The following PLAGL1 variants were observed in gnomAD, a reference collection of about 807,000 sequenced individuals.
The protein encoded by PLAGL1 is PLAG1 like zinc finger 1, also known as zinc finger protein PLAGL1.
Under a neutral mutation model 4.6 loss-of-function variants are expected in PLAGL1, and 1 was observed. The observed-to-expected ratio is 0.22, with a 90% CI of 0.08 to 1.03. PLAGL1 has a LOEUF of 1.03. PLAGL1 is among the 50% of genes least tolerant of loss of function. The pLI, the probability that PLAGL1 is intolerant of heterozygous loss-of-function variation, is 0.58. For missense variants in PLAGL1, 464 were observed against 570.4 expected (o/e 0.81, Z 1.90); for synonymous variants, 240 against 237.8 (o/e 1.01, Z -0.08).
Position 144,043,017 on chromosome 6 carries a change from T to C in PLAGL1, c.-151+21451A>G, listed in dbSNP as rs890005524. On this transcript the variant is annotated intron_variant, in intron 1 of 3. Coordinates refer to the PLAGL1 transcript ENST00000437412. ...TAGGAATGCTTGTGATTTTTCCACA[T>C]TGATTTTGTATCCTAAGACTTTGCT... 3.9e-5 allele frequency among the ~76,000 whole-genome samples: 6 copies of C among 152,222 alleles called. No homozygotes were observed. In the East Asian group the frequency reaches 1.2e-3, roughly 29 times the overall value.
rs1196203446 is a variant in PLAGL1 at position 144,008,026 on chromosome 6, G to A, written c.-584+64C>T. 6.6e-6 allele frequency: 1 copy of A among 151,834 alleles called. No homozygotes were observed. Among genetic ancestry groups the A allele is most frequent in the African/African-American group, 2.4e-5 (1 of 41,392 alleles). The allele number at this position is 151,834 out of a possible 1,614,324, so 9.4% of individuals were successfully genotyped here. ...GAACCCAGCGCCGTCCTCGCAGCGC[G>A]GCAATGCACGGCCACCGCTGCCCCC... On this transcript the variant is annotated intron_variant, in intron 1 of 7. Transcript: ENST00000674357. This position sits in a 1 kb window ranked among gnomAD's most constrained non-coding sequence, Gnocchi z 6.9.
Position 143,941,861 on chromosome 6 carries a change from T to C in PLAGL1, c.955A>G (p.Lys319Glu). 6.2e-7 allele frequency: 1 copy of C among 1,614,190 alleles called. No individual in the cohort carries two copies. Among genetic ancestry groups the C allele is most frequent in the Non-Finnish European group, 8.5e-7 (1 of 1,180,038 alleles). The change falls in exon 8 of 8, where the codon AAA (lysine) becomes GAA (glutamate). Residue 319 changes from lysine to glutamate, a missense_variant. Physicochemically the swap from Lys to Glu is moderately conservative, Grantham distance 56. This residue lies in a region of PLAGL1 where 248 missense variants were observed against 250.1 expected (regional missense o/e 0.99). Transcript: ENST00000674357. The surrounding 1 kb of genome is among the most constrained non-coding windows in gnomAD (Gnocchi z 6.0). ...SYSPLASLPL[K>E]ADTKGFCNIS... ...TTGCAAAAACCTTTAGTATCTGCTT[T>C]GAGGGGCAGGCTTGCAAGTGGGGAG...
rs1281544673 is a variant in PLAGL1, at chr6:143,952,984, C to G, written c.-324-4524G>C. On this transcript the variant is annotated intron_variant, in intron 6 of 7. Coordinates refer to ENST00000674357, the MANE Select transcript of PLAGL1 (RefSeq NM_001317162.2). The surrounding 1 kb of genome is among the most constrained non-coding windows in gnomAD (Gnocchi z 6.1). ...AGTCATGGCTGCCATGGCTGCAGAC[C>G]TCACTCCCATCATGGCCGGAAGGCA... 6.6e-6 allele frequency among the ~76,000 whole-genome samples: 1 copy of G among 152,212 alleles called. No homozygotes were observed. Among genetic ancestry groups the G allele is most frequent in the African/African-American group, 2.4e-5 (1 of 41,458 alleles).
At chr6:144,017,533 G>A (rs545301867) in intron 1 of PLAGL1, among the ~76,000 whole-genome samples, 6 of 152,280 alleles carry the variant, frequency 3.9e-5, no homozygotes, top group African/African-American at 7.2e-5. Context: ...CCTACTTTAC[G>A]TGATAAAGTT....
upstream of PLAGL1, chr6:144,008,337 G>A (rs1583670354): frequency 6.6e-6 from 1 of 151,982 alleles, no homozygotes; most frequent in African/African-American, 2.4e-5. The surrounding 1 kb of genome is among the most constrained non-coding windows in gnomAD (Gnocchi z 6.9). Context: ...GGCAGATGCC[G>A]TGGGCTTTGC....
At chr6:144,062,470 C>CAAAAAAAAA (rs543521128) in intron 1 of PLAGL1, among the ~76,000 whole-genome samples, 1 of 75,700 alleles carries the variant, frequency 1.3e-5, no homozygotes, top group Non-Finnish European at 2.4e-5. Flanking sequence ...GTTATCAGAC[C>CAAAAAAAAA]AAAAAAAAAA....
At position 143,942,698 on chromosome 6, in the gene PLAGL1, T is replaced by C; in HGVS notation, c.153-35A>G. On this transcript the variant is annotated intron_variant, in intron 7 of 7. Coordinates refer to ENST00000674357, the MANE Select transcript of PLAGL1 (RefSeq NM_001317162.2). This position sits in a 1 kb window ranked among gnomAD's most constrained non-coding sequence, Gnocchi z 7.6. ...GAAGGAGAAATTTCACAATAGAGAG[T>C]TGTTTTAAGAGCTGAAGAAAGGTGT... 1 of 1,538,180 alleles carries C rather than the reference T, an allele frequency of 6.5e-7. No homozygotes were observed. The highest frequency in any genetic ancestry group is 8.9e-7 in the Non-Finnish European group (1 of 1,128,202).
At chr6:144,014,682 T>A (rs9766199) in intron 1 of PLAGL1, among the ~76,000 whole-genome samples, 1 of 151,870 alleles carries the variant, frequency 6.6e-6, no homozygotes, top group African/African-American at 2.4e-5. Context: ...CAGTTTCAAG[T>A]GATTCTACTG....
chr6:144,005,652 A>C lies in PLAGL1; in HGVS notation c.-584+2438T>G, dbSNP rs919381257. ...TAGAGTATCTTAAGACAAAAAGCAT[A>C]AGGATTAATGTCTACAGTTTAATAT... On this transcript the variant is annotated intron_variant, in intron 1 of 7. Transcript: ENST00000674357. The surrounding 1 kb of genome is among the most constrained non-coding windows in gnomAD (Gnocchi z 4.6). 2.6e-5 allele frequency: 4 copies of C among 152,198 alleles called. No homozygotes were observed. In the East Asian group the frequency reaches 7.7e-4, roughly 29 times the overall value. The allele number at this position is 152,198 out of a possible 1,614,324, so 9.4% of individuals were successfully genotyped here.
chr6:144,014,121 G>A (rs1795397155), intron 1 of PLAGL1, among the ~76,000 whole-genome samples: 1 of 152,156 alleles, frequency 6.6e-6, no homozygotes. Flanking sequence ...CCTACTATAA[G>A]GCTAGACTAA....
intron 6 of PLAGL1, among the ~76,000 whole-genome samples, chr6:143,956,865 C>G (rs1340635553): frequency 2.0e-5 from 3 of 152,232 alleles, no homozygotes; most frequent in Non-Finnish European, 4.4e-5. Flanking sequence ...AGGGATGACT[C>G]TGATGAGCAG....
upstream of PLAGL1, among the ~76,000 whole-genome samples, chr6:144,010,888 A>T (rs1217097274): frequency 1.3e-5 from 2 of 152,234 alleles, no homozygotes; most frequent in Admixed American, 1.3e-4. The surrounding 1 kb of genome is among the most constrained non-coding windows in gnomAD (Gnocchi z 4.1). Context: ...GTGTTGGGAA[A>T]AACTGGTTAG....
In PLAGL1 at chr6:143,947,600, G is replaced by A. The variant is rs1780058871; in HGVS notation, c.152+385C>T. On this transcript the variant is annotated intron_variant, in intron 7 of 7. Transcript: ENST00000674357. This position sits in a 1 kb window ranked among gnomAD's most constrained non-coding sequence, Gnocchi z 4.3. Reference sequence around the variant, plus strand: ...CCTCTCTGCCTCCTCCTCTTTCATTGTGTCACAGCTTAAAGATTGTCCCCA... The same window carrying A: ...CCTCTCTGCCTCCTCCTCTTTCATTATGTCACAGCTTAAAGATTGTCCCCA... 1.3e-5 allele frequency among the ~76,000 whole-genome samples: 2 copies of A among 152,158 alleles called. No individual in the cohort carries two copies. Among genetic ancestry groups the A allele is most frequent in the Admixed American group, 1.3e-4 (2 of 15,282 alleles).
At chr6:144,058,732 A>C (rs1171264110) in intron 1 of PLAGL1, among the ~76,000 whole-genome samples, 1 of 152,164 alleles carries the variant, frequency 6.6e-6, no homozygotes, top group Non-Finnish European at 1.5e-5. Flanking sequence ...GCAGTTATTA[A>C]ATCTTAAAGC....
intron 2 of PLAGL1, among the ~76,000 whole-genome samples, chr6:143,977,658 C>T (rs996816802): frequency 1.3e-5 from 2 of 151,596 alleles, no homozygotes; most frequent in African/African-American, 2.4e-5. Context: ...CACCATCATG[C>T]CAGGCTAATT....
intron 6 of PLAGL1, among the ~76,000 whole-genome samples, chr6:143,951,017 T>C (rs1032219142): frequency 1.3e-5 from 2 of 152,210 alleles, no homozygotes; most frequent in African/African-American, 4.8e-5. Flanking sequence ...GTGCTACTGA[T>C]TGAGCCTCAG....
chr6:143,949,958 A>G lies in PLAGL1; in HGVS notation c.-324-1498T>C, dbSNP rs889298247. On this transcript the variant is annotated intron_variant, in intron 6 of 7. Transcript: ENST00000674357. The surrounding 1 kb of genome is among the most constrained non-coding windows in gnomAD (Gnocchi z 5.3). ...AACATGTTTAAATATAGCATTATGTAGCACACGGACATAACCAAACACATA... is the reference window on the plus strand; with the variant it reads ...AACATGTTTAAATATAGCATTATGTGGCACACGGACATAACCAAACACATA... Among the ~76,000 whole-genome samples the G allele has an allele frequency of 6.6e-6, 1 of 152,226 alleles. No individual in the cohort carries two copies. Among genetic ancestry groups the G allele is most frequent in the African/African-American group, 2.4e-5 (1 of 41,460 alleles).
chr6:144,058,886 T>C (rs773125815), intron 1 of PLAGL1, among the ~76,000 whole-genome samples: 6 of 151,966 alleles, frequency 3.9e-5, no homozygotes, highest in Non-Finnish European at 8.8e-5. Context: ...TGGAGTTGAG[T>C]GTCTGCATCT....
rs1037919778 is a variant in PLAGL1, at chr6:143,948,750, T to C, written c.-324-290A>G. Among the ~76,000 whole-genome samples the C allele has an allele frequency of 1.5e-5, 2 of 137,770 alleles. No individual in the cohort carries two copies. The highest frequency in any genetic ancestry group is 2.0e-4 in the East Asian group (1 of 4,956). The allele number at this position is 137,770 out of a possible 152,430, so 90.4% of individuals were successfully genotyped here. On this transcript the variant is annotated intron_variant, in intron 6 of 7. Coordinates refer to ENST00000674357, the MANE Select transcript of PLAGL1 (RefSeq NM_001317162.2). The surrounding 1 kb of genome is among the most constrained non-coding windows in gnomAD (Gnocchi z 6.0). ...TATTTCAGGTCAGTGTGAAGCTCCATTGACCAAAGAGAAAAACAACAACAA... is the reference window on the plus strand; with the variant it reads ...TATTTCAGGTCAGTGTGAAGCTCCACTGACCAAAGAGAAAAACAACAACAA...
Sources: gnomAD v4.1 joint callset for allele counts (sites outside exome capture counted in the v4.1 genomes callset) on GRCh38, gnomAD v4.1.1 for gene constraint, gnomAD v4.1.1 regional missense constraint, Gnocchi (gnomAD v3.1) non-coding constraint, MANE v1.5 for transcripts, NCBI Gene and HGNC (gene_info 2026-07-23, HGNC 2026-07-21) for gene names.